Variants in FAM171B observed in about 807,000 individuals in gnomAD.
FAM171B encodes the protein family with sequence similarity 171 member B, also known as protein FAM171B.
In FAM171B, 19 loss-of-function variants were observed where a neutral mutation model predicts 75.6. The ratio of observed to expected loss-of-function variants is 0.25; its 90% CI spans 0.18 to 0.37. The LOEUF is 0.37. FAM171B is among the 10% of genes least tolerant of loss of function. The pLI, the probability that FAM171B is intolerant of heterozygous loss-of-function variation, is 1.00. For missense variants in FAM171B, 848 were observed against 982.4 expected (o/e 0.86, Z 1.83); for synonymous variants, 367 against 361.7 (o/e 1.01, Z -0.17).
At chr2:186,714,121 A>ATTT (rs11458662) in intron 1 of FAM171B, among the ~76,000 whole-genome samples, 2 of 148,912 alleles carry the variant, frequency 1.3e-5, no homozygotes, top group African/African-American at 2.5e-5. Flanking sequence ...AGCAGATGAA[A>ATTT]TTTTTTTTTT....
chr2:186,762,206 C>G lies in FAM171B; in HGVS notation c.1864C>G (p.Arg622Gly), dbSNP rs770515054. 12 of 1,613,500 alleles carry G rather than the reference C, an allele frequency of 7.4e-6. No individual in the cohort carries two copies. The highest frequency in any genetic ancestry group is 9.3e-6 in the Non-Finnish European group (11 of 1,179,798). Residue 622 changes from arginine to glycine, a missense_variant, in exon 8 of 8, where the codon CGA (arginine) becomes GGA (glycine). By Grantham distance (125) the Arg-to-Gly change is moderately radical. Around this residue, in one of 3 missense-constraint regions of FAM171B, gnomAD observed 47 missense variants for 94.0 expected, o/e 0.50. Coordinates refer to ENST00000304698, the MANE Select transcript of FAM171B (RefSeq NM_177454.4). This position sits in a 1 kb window ranked among gnomAD's most constrained non-coding sequence, Gnocchi z 4.0. ...GCCATCCCAGGCTTCAGATTGGAGC[C>G]GATACTCAAGCAGCTTACTGGAATC... ...SLPSQASDWS[R>G]YSSSLLESVS...
chr2:186,732,699 G>A (rs1345227650), intron 1 of FAM171B, among the ~76,000 whole-genome samples: 3 of 152,236 alleles, frequency 2.0e-5, no homozygotes, highest in Non-Finnish European at 4.4e-5. Context: ...GGAGTGGGCT[G>A]TCTGCATGTG....
At chr2:186,703,076 T>TATACAC (rs145728723) in intron 1 of FAM171B, among the ~76,000 whole-genome samples, 77 of 145,564 alleles carry the variant, frequency 5.3e-4, no homozygotes, top group South Asian at 4.4e-3. Context: ...TATATATATA[T>TATACAC]ACACACACAC....
intron 1 of FAM171B, among the ~76,000 whole-genome samples, chr2:186,727,835 G>C (rs1247723670): frequency 6.6e-6 from 1 of 152,070 alleles, no homozygotes; most frequent in Non-Finnish European, 1.5e-5. Flanking sequence ...TTTGGAACCA[G>C]ATTTCTTCAG....
chr2:186,739,779 G>A (rs1690260623), intron 1 of FAM171B, among the ~76,000 whole-genome samples: 1 of 152,134 alleles, frequency 6.6e-6, no homozygotes, highest in Admixed American at 6.6e-5. Flanking sequence ...AAAAAGTATA[G>A]TAAATTCATA....
At chr2:186,695,411 G>A (rs138643846) in intron 1 of FAM171B, 33 of 152,298 alleles carry the variant, frequency 2.2e-4, no homozygotes, top group African/African-American at 7.7e-4. Flanking sequence ...TCTGGCACGA[G>A]GGCTTAGGTT....
chr2:186,703,899 T>A (rs550663772), intron 1 of FAM171B, among the ~76,000 whole-genome samples: 1 of 152,028 alleles, frequency 6.6e-6, no homozygotes, highest in South Asian at 2.1e-4. Flanking sequence ...GGGGAAAAAA[T>A]ATCACCAAAA....
At chr2:186,733,158 G>A (rs1031361152) in intron 1 of FAM171B, among the ~76,000 whole-genome samples, 1 of 152,146 alleles carries the variant, frequency 6.6e-6, no homozygotes, top group Admixed American at 6.5e-5. Flanking sequence ...CAATTTTCAT[G>A]ACCTATCTGA....
At chr2:186,746,002 T>A (rs1337977377) in intron 3 of FAM171B, among the ~76,000 whole-genome samples, 1 of 152,230 alleles carries the variant, frequency 6.6e-6, no homozygotes, top group East Asian at 1.9e-4. Context: ...ATTTATCATT[T>A]ATTGTCATGT....
intron 6 of FAM171B, 146 bp downstream of exon 6, chr2:186,754,195 T>C: frequency 1.7e-6 from 1 of 579,714 alleles, no homozygotes; most frequent in Non-Finnish European, 3.0e-6. Flanking sequence ...GCTTATTTTT[T>C]TTTCATGTGT....
At chr2:186,726,683 T>G (rs1475830737) in intron 1 of FAM171B, among the ~76,000 whole-genome samples, 1 of 152,196 alleles carries the variant, frequency 6.6e-6, no homozygotes, top group Non-Finnish European at 1.5e-5. Context: ...TACATTTGCC[T>G]TATATTTATT....
intron 1 of FAM171B, among the ~76,000 whole-genome samples, chr2:186,718,075 T>C (rs183614414): frequency 4.6e-4 from 70 of 152,342 alleles, no homozygotes; most frequent in African/African-American, 1.6e-3. Flanking sequence ...CATCTCAATA[T>C]TGTGTCATTT....
rs368620840 is a variant in FAM171B at position 186,763,930 on chromosome 2, CA to C, written c.*1108del. 2.0e-4 allele frequency: 30 copies of C among 152,174 alleles called. No homozygotes were observed. In the East Asian group the frequency reaches 5.6e-3, roughly 28 times the overall value. 9.4% of individuals were successfully genotyped at this position (152,174 alleles called of 1,614,324 possible). ...TGTGTAAGGAAAACAGTTTCAATTT[CA>C]GGGGAAAAGTAAAAGTTTTTCCCTA... On this transcript the variant is annotated 3_prime_UTR_variant, in exon 8 of 8. Transcript: ENST00000304698.
At chr2:186,745,917 T>A (rs1690358835) in intron 3 of FAM171B, among the ~76,000 whole-genome samples, 1 of 152,240 alleles carries the variant, frequency 6.6e-6, no homozygotes, top group African/African-American at 2.4e-5. Flanking sequence ...TTACTTTTCT[T>A]AACTGTTTTC....
At chr2:186,734,399 A>C (rs530943628) in intron 1 of FAM171B, among the ~76,000 whole-genome samples, 1 of 151,970 alleles carries the variant, frequency 6.6e-6, no homozygotes, top group South Asian at 2.1e-4. Context: ...GGTAGCTTCT[A>C]TCTGCTGGTA....
intron 2 of FAM171B, 40 bp from the exon 3 acceptor site, chr2:186,743,443 C>T: frequency 7.0e-7 from 1 of 1,432,356 alleles, no homozygotes; most frequent in Non-Finnish European, 9.8e-7. Context: ...TTTTTCCCCT[C>T]ACATTAAGTA....
At chr2:186,707,298 A>C (rs531810191) in intron 1 of FAM171B, among the ~76,000 whole-genome samples, 58 of 152,106 alleles carry the variant, frequency 3.8e-4, no homozygotes, top group African/African-American at 1.3e-3. Flanking sequence ...CTAGCTCTAC[A>C]CTCCTCTTCA....
At chr2:186,707,125 C>A (rs982496583) in intron 1 of FAM171B, among the ~76,000 whole-genome samples, 2 of 152,114 alleles carry the variant, frequency 1.3e-5, no homozygotes, top group African/African-American at 4.8e-5. Context: ...ATTTTGATAT[C>A]TTTATGTGGA....
intron 1 of FAM171B, among the ~76,000 whole-genome samples, chr2:186,722,457 C>G (rs529146024): frequency 6.6e-6 from 1 of 152,270 alleles, no homozygotes; most frequent in South Asian, 2.1e-4. Flanking sequence ...AGATTCAAGG[C>G]ACTGTGCTCA....
Sources: allele counts gnomAD v4.1 joint callset (sites outside exome capture counted in the v4.1 genomes callset), GRCh38; gene constraint gnomAD v4.1.1; regional missense constraint gnomAD v4.1.1; non-coding constraint Gnocchi (gnomAD v3.1); transcripts MANE v1.5; gene names NCBI Gene and HGNC (gene_info 2026-07-23, HGNC 2026-07-21).